The following CRYGA variants were observed in gnomAD, a reference collection of about 807,000 sequenced individuals.
The protein encoded by CRYGA is gamma-crystallin A.
In CRYGA, 11 loss-of-function variants were observed where a neutral mutation model predicts 13.8. The ratio of observed to expected loss-of-function variants is 0.80; its 90% CI spans 0.50 to 1.32. CRYGA has a LOEUF of 1.32. CRYGA is among the 40% of genes most tolerant of loss of function. The probability of loss-of-function intolerance (pLI) is 0.00; values close to 1 mark genes in which losing one functional copy is unlikely to be tolerated. For missense variants in CRYGA, 271 were observed against 234.1 expected (o/e 1.16, Z -1.03); for synonymous variants, 97 against 89.3 (o/e 1.09, Z -0.48).
chr2:208,162,197 A>C (rs906200453), intron 2 of CRYGA, among the ~76,000 whole-genome samples: 2 of 152,164 alleles, frequency 1.3e-5, no homozygotes, highest in Non-Finnish European at 2.9e-5. Flanking sequence ...TCAGCCTCCC[A>C]AAGTGCTAGG....
At chr2:208,161,843 C>T (rs1165312493) in intron 2 of CRYGA, among the ~76,000 whole-genome samples, 6 of 152,178 alleles carry the variant, frequency 3.9e-5, no homozygotes, top group African/African-American at 1.2e-4. Context: ...TGCCAAGTCA[C>T]TTGTGCCATT....
chr2:208,160,897 A>G lies in CRYGA; in HGVS notation c.432T>C (p.Tyr144=). ...TTCTGTAGTCCCCAGGCCTCAGCAGATACTGCCGCCCCCGGTAGTTGGGCA... is the reference window on the plus strand; with the variant it reads ...TTCTGTAGTCCCCAGGCCTCAGCAGGTACTGCCGCCCCCGGTAGTTGGGCA... ...YEMPNYRGRQ[Y]LLRPGDYRRY... Residue 144 remains tyrosine, a synonymous_variant, in exon 3 of 3, where the codon TAT becomes TAC. Coordinates refer to ENST00000304502, the MANE Select transcript of CRYGA (RefSeq NM_014617.4). 1 of 1,612,702 alleles carries G rather than the reference A, an allele frequency of 6.2e-7. No individual in the cohort carries two copies.
At position 208,160,938 on chromosome 2, in the gene CRYGA, A is replaced by C; in HGVS notation, c.391T>G (p.Trp131Gly). 1.2e-6 allele frequency: 2 copies of C among 1,613,846 alleles called. No individual in the cohort carries two copies. The highest frequency in any genetic ancestry group is 8.5e-7 in the Non-Finnish European group (1 of 1,179,836). The part of the protein sequence containing the change: ...IYSLHVLEGC[W>G]VLYEMPNYRG... ...TAGTTGGGCATTTCATAGAGGACCC[A>C]GCAGCCCTCCAGTACGTGGAGGGAA... The change falls in exon 3 of 3, where the codon TGG becomes GGG. Residue 131 changes from tryptophan to glycine, a missense_variant. Physicochemically the swap from Trp to Gly is radical, Grantham distance 184. Transcript: ENST00000304502.
chr2:208,163,266 G>T lies in CRYGA; in HGVS notation c.190C>A (p.Pro64Thr). ...HQYFLRRGKYPDYQHWMGLSD... is the reference protein window; with the variant it reads ...HQYFLRRGKYTDYQHWMGLSD... ...AGGCCCATCCAGTGCTGATAGTCGG[G>T]GTACTTGCCTCGGCGCAGGAAGTAC... Residue 64 changes from proline (P) to threonine (T), a missense_variant, in exon 2 of 3, where the codon CCC becomes ACC. Coordinates refer to ENST00000304502, the MANE Select transcript of CRYGA (RefSeq NM_014617.4). The T allele has an allele frequency of 6.2e-7, 1 of 1,614,014 alleles. No individual in the cohort carries two copies. The highest frequency in any genetic ancestry group is 8.5e-7 in the Non-Finnish European group (1 of 1,180,010).
chr2:208,161,298 A>C (rs111279488), intron 2 of CRYGA, among the ~76,000 whole-genome samples: 19,221 of 151,482 alleles, frequency 0.13, 1,317 homozygotes, highest in Admixed American at 0.17. Context: ...TCAGCCCCCC[A>C]AGTAGCTGGG....
intron 2 of CRYGA, among the ~76,000 whole-genome samples, chr2:208,161,464 G>T (rs138489806): frequency 0.91 from 138,702 of 152,270 alleles, 63,674 homozygotes; most frequent in Non-Finnish European, 0.96. Flanking sequence ...ACAAATGTTG[G>T]GATTGCACCT....
chr2:208,163,267 G>A lies in CRYGA; in HGVS notation c.189C>T (p.Tyr63=). 1 of 1,614,070 alleles carries A rather than the reference G, an allele frequency of 6.2e-7. No individual in the cohort carries two copies. The highest frequency in any genetic ancestry group is 8.5e-7 in the Non-Finnish European group (1 of 1,180,018). The change falls in exon 2 of 3, where the codon TAC becomes TAT. Residue 63 remains tyrosine, a synonymous_variant. Coordinates refer to ENST00000304502, the MANE Select transcript of CRYGA (RefSeq NM_014617.4). Reference sequence around the variant, plus strand: ...GGCCCATCCAGTGCTGATAGTCGGGGTACTTGCCTCGGCGCAGGAAGTACT... The same window carrying A: ...GGCCCATCCAGTGCTGATAGTCGGGATACTTGCCTCGGCGCAGGAAGTACT... The part of the protein sequence containing the change: ...GHQYFLRRGK[Y]PDYQHWMGLS...
Position 208,163,257 on chromosome 2 carries a change from G to C in CRYGA, c.199C>G (p.Gln67Glu), listed in dbSNP as rs115598490. Residue 67 changes from glutamine (Q) to glutamate (E), a missense_variant, in exon 2 of 3, where the codon CAG (glutamine) becomes GAG (glutamate). Coordinates refer to ENST00000304502, the MANE Select transcript of CRYGA (RefSeq NM_014617.4). ...GAGTCGCTGAGGCCCATCCAGTGCT[G>C]ATAGTCGGGGTACTTGCCTCGGCGC... ...FLRRGKYPDYQHWMGLSDSVQ... is the reference protein window; with the variant it reads ...FLRRGKYPDYEHWMGLSDSVQ... The C allele has an allele frequency of 8.2e-5, 133 of 1,613,926 alleles. No homozygotes were observed. In the East Asian group the frequency reaches 2.5e-3, roughly 30 times the overall value.
chr2:208,161,135 G>A lies in CRYGA; in HGVS notation c.253-59C>T, dbSNP rs1483825487. The A allele has an allele frequency of 4.0e-6, 6 of 1,496,334 alleles. No individual in the cohort carries two copies. The East Asian group carries it at 6.8e-5, about 17-fold the overall frequency. 92.7% of individuals were successfully genotyped at this position (1,496,334 alleles called of 1,614,324 possible). On this transcript the variant is annotated intron_variant, in intron 2 of 2. Transcript: ENST00000304502. ...ACAGCATGCATCCTTGGGTGTCAAC[G>A]AAAGTGACACAATCAGTCTGCATCT...
Position 208,163,534 on chromosome 2 carries a change from C to G in CRYGA, c.9+14G>C. The G allele has an allele frequency of 1.2e-6, 2 of 1,610,934 alleles. No individual in the cohort carries two copies. The highest frequency in any genetic ancestry group is 1.7e-6 in the Non-Finnish European group (2 of 1,179,498). ...ACCCCCAATAGACATGGCACAGCAC[C>G]TCCACAGGCTCACCTTCCCCATGGT... is the stretch of plus-strand genomic sequence containing the variant. On this transcript the variant is annotated intron_variant, in intron 1 of 2. Transcript: ENST00000304502.
At chr2:208,161,371 A>T (rs887577352) in intron 2 of CRYGA, among the ~76,000 whole-genome samples, 1 of 151,908 alleles carries the variant, frequency 6.6e-6, no homozygotes, top group Admixed American at 6.6e-5. Flanking sequence ...GTAGAGAGGG[A>T]GTCTCACTAT....
rs1438833276 is a variant in CRYGA, at chr2:208,160,897, A to T, written c.432T>A (p.Tyr144Ter). The change falls in exon 3 of 3, where the codon TAT becomes TAA. Residue 144 changes from tyrosine (Y) to a stop codon, truncating the protein, a stop_gained. Transcript: ENST00000304502. LOFTEE classifies it high-confidence loss of function. ...TTCTGTAGTCCCCAGGCCTCAGCAG[A>T]TACTGCCGCCCCCGGTAGTTGGGCA... is the stretch of plus-strand genomic sequence containing the variant. ...YEMPNYRGRQ[Y>*]LLRPGDYRRY... The T allele has an allele frequency of 6.8e-6, 11 of 1,612,702 alleles. No homozygotes were observed. Among genetic ancestry groups the T allele is most frequent in the Non-Finnish European group, 9.3e-6 (11 of 1,178,852 alleles).
At chr2:208,161,473 C>T (rs1181124636) in intron 2 of CRYGA, among the ~76,000 whole-genome samples, 1 of 152,188 alleles carries the variant, frequency 6.6e-6, no homozygotes, top group African/African-American at 2.4e-5. Context: ...GGGATTGCAC[C>T]TGGTTTGAAA....
intron 2 of CRYGA, among the ~76,000 whole-genome samples, chr2:208,162,557 A>G (rs1462660705): frequency 6.6e-6 from 1 of 152,200 alleles, no homozygotes; most frequent in African/African-American, 2.4e-5. Flanking sequence ...ACTTTTCATC[A>G]TTAAAAAATA....
chr2:208,163,547 C>T lies in CRYGA; in HGVS notation c.9+1G>A, dbSNP rs1392596501. The T allele has an allele frequency of 1.2e-6, 2 of 1,610,614 alleles. No homozygotes were observed. The highest frequency in any genetic ancestry group is 1.7e-6 in the Non-Finnish European group (2 of 1,179,450). ...ATGGCACAGCACCTCCACAGGCTCA[C>T]CTTCCCCATGGTTGTTGACAGAGGG... On this transcript the variant is annotated splice_donor_variant, in intron 1 of 2. Coordinates refer to ENST00000304502, the MANE Select transcript of CRYGA (RefSeq NM_014617.4). LOFTEE classifies it high-confidence loss of function.
Position 208,163,382 on chromosome 2 carries a change from T to C in CRYGA, c.74A>G (p.Asn25Ser). 1 of 1,613,722 alleles carries C rather than the reference T, an allele frequency of 6.2e-7. No homozygotes were observed. The highest frequency in any genetic ancestry group is 8.5e-7 in the Non-Finnish European group (1 of 1,179,964). The change falls in exon 2 of 3, where the codon AAC (asparagine) becomes AGC (serine). Residue 25 changes from asparagine (N) to serine (S), a missense_variant. Transcript: ENST00000304502. ...RCYNCISDCP[N>S]LRVYFSRCNS... ...GCAGCGGCTGAAGTAGACCCGCAGG[T>C]TGGGGCAGTCACTGATGCAATTGTA...
intron 2 of CRYGA, 124 bp downstream of exon 2, chr2:208,163,080 C>T (rs1402256654): frequency 2.6e-6 from 2 of 766,710 alleles, no homozygotes; most frequent in Non-Finnish European, 2.2e-6. Context: ...GTTTGAGGGT[C>T]AGGCCTTGCT....
In CRYGA at chr2:208,162,580, G is replaced by A. The variant is rs187640046; in HGVS notation, c.252+624C>T. ...TCATTAAAAAATAATTATCATGGCC[G>A]GGCGCAGTGGCTCATTCCTATAATC... On this transcript the variant is annotated intron_variant, in intron 2 of 2. Coordinates refer to ENST00000304502, the MANE Select transcript of CRYGA (RefSeq NM_014617.4). Among the ~76,000 whole-genome samples the A allele has an allele frequency of 1.3e-4, 19 of 151,956 alleles. 1 individual carries two copies. The highest frequency in any genetic ancestry group is 4.1e-4 in the African/African-American group (17 of 41,430).
Position 208,160,879 on chromosome 2 carries a change from G to C in CRYGA, c.450C>G (p.Asp150Glu). 6.2e-7 allele frequency: 1 copy of C among 1,612,516 alleles called. No homozygotes were observed. Among genetic ancestry groups the C allele is most frequent in the African/African-American group, 1.3e-5 (1 of 74,958 alleles). Residue 150 changes from aspartate (D) to glutamate (E), a missense_variant, in exon 3 of 3, where the codon GAC becomes GAG. Asp to Glu is a conservative substitution (Grantham distance 45, BLOSUM62 2). Coordinates refer to ENST00000304502, the MANE Select transcript of CRYGA (RefSeq NM_014617.4). ...CCCCCCAGTCGTGGTACCTTCTGTA[G>C]TCCCCAGGCCTCAGCAGATACTGCC... ...RGRQYLLRPG[D>E]YRRYHDWGGA... is the part of the protein sequence containing the mutation.
Sources: gnomAD v4.1 joint callset for allele counts (sites outside exome capture counted in the v4.1 genomes callset) on GRCh38, gnomAD v4.1.1 for gene constraint, MANE v1.5 for transcripts, NCBI Gene and HGNC (gene_info 2026-07-23, HGNC 2026-07-21) for gene names.